The following TCF20 variants were observed in gnomAD, a reference collection of about 807,000 sequenced individuals.
TCF20 encodes the protein SPRE-binding protein.
TCF20 carries 3 observed loss-of-function variants against 148.6 expected under a neutral mutation model. The observed-to-expected ratio is 0.02, with a 90% CI of 0.01 to 0.05. TCF20 has a LOEUF of 0.05. Among genes scored for constraint, TCF20 ranks in the 10% least tolerant of loss-of-function variants. TCF20 has a pLI of 1.00. For synonymous variants in TCF20, 1,049 were observed against 909.5 expected, an observed-to-expected ratio of 1.15 and a Z score of -2.76; for missense variants, 2,350 against 2,429.3, an observed-to-expected ratio of 0.97 and a Z score of 0.69.
chr22:42,163,091 C>G (rs576490893), intron 5 of TCF20, among the ~76,000 whole-genome samples: 3 of 152,346 alleles, frequency 2.0e-5, no homozygotes, highest in Non-Finnish European at 2.9e-5. Context: ...AGGCTCTGCT[C>G]AAGGAGGGGA....
rs1927574729 is a variant in TCF20, at chr22:42,313,596, T to TC, written c.-37+29882dup. On this transcript the variant is annotated intron_variant, in intron 1 of 1. Transcript: ENST00000515426. The stretch of plus-strand genomic sequence containing the variant: ...TCACTGCAGCCTCAACAGAATTCTT[T>TC]CTTTTTTTTTTTTTTTTTTTTGAGA... Among the ~76,000 whole-genome samples, 3 of 117,926 alleles carry TC rather than the reference T, an allele frequency of 2.5e-5. No individual in the cohort carries two copies. In the Admixed American group the frequency reaches 2.6e-4, roughly 10 times the overall value. 77.4% of individuals were successfully genotyped at this position (117,926 alleles called of 152,430 possible).
Position 42,168,601 on chromosome 22 carries a change from C to CGA in TCF20, c.*44+6_*44+7dup. The CGA allele has an allele frequency of 3.9e-6, 6 of 1,555,782 alleles. No individual in the cohort carries two copies. The Admixed American group carries it at 1.1e-4, about 29-fold the overall frequency. On this transcript the variant is annotated splice_region_variant and intron_variant, in intron 5 of 5. Transcript: ENST00000677622. ...CAGGATGCAGGGAGCCCGGTGGCCC[C>CGA]GACTCACCTGTGCTTGCTGTCCTTT...
intron 2 of TCF20, among the ~76,000 whole-genome samples, chr22:42,187,583 C>T (rs1937107231): frequency 6.6e-6 from 1 of 152,230 alleles, no homozygotes; most frequent in African/African-American, 2.4e-5. Context: ...CTAACAGCTA[C>T]ATCCTTGGAT....
At chr22:42,247,918 T>C (rs938507568) in intron 1 of TCF20, among the ~76,000 whole-genome samples, 6 of 152,168 alleles carry the variant, frequency 3.9e-5, no homozygotes, top group African/African-American at 1.4e-4. Context: ...AAATTAATAG[T>C]CTGTTCTACA....
At chr22:42,324,033 G>GCA in intron 1 of TCF20, among the ~76,000 whole-genome samples, 2 of 146,542 alleles carry the variant, frequency 1.4e-5, no homozygotes, top group Non-Finnish European at 3.0e-5. Flanking sequence ...TGGTGGTGAT[G>GCA]GAGGTTATGG....
chr22:42,321,799 T>C (rs1167287123), intron 1 of TCF20, among the ~76,000 whole-genome samples: 1 of 151,384 alleles, frequency 6.6e-6, no homozygotes, highest in East Asian at 1.9e-4. Context: ...ATACAAAAAT[T>C]AGCTGGTCAT....
intron 1 of TCF20, among the ~76,000 whole-genome samples, chr22:42,301,940 C>T (rs781255986): frequency 3.3e-5 from 5 of 152,190 alleles, no homozygotes; most frequent in Admixed American, 6.5e-5. Context: ...GCCCAGGGCT[C>T]GCAAGTACAG....
intron 1 of TCF20, among the ~76,000 whole-genome samples, chr22:42,326,051 TC>T (rs2147054804): frequency 6.6e-6 from 1 of 152,206 alleles, no homozygotes; most frequent in East Asian, 1.9e-4. Flanking sequence ...TACAGGCTTC[TC>T]TGGCTGCCAG....
Position 42,161,313 on chromosome 22 carries a change from C to T in TCF20, c.*90G>A, listed in dbSNP as rs1295614531. The T allele has an allele frequency of 6.2e-7, 1 of 1,613,750 alleles. No homozygotes were observed. Among genetic ancestry groups the T allele is most frequent in the South Asian group, 1.1e-5 (1 of 91,072 alleles). ...TGTGGCTGCACGGTAGGACGATTTC[C>T]ATTCCATCACGAGTGTCCACCACCT... On this transcript the variant is annotated 3_prime_UTR_variant, in exon 6 of 6. Coordinates refer to ENST00000677622, the MANE Select transcript of TCF20 (RefSeq NM_001378418.1).
intron 1 of TCF20, among the ~76,000 whole-genome samples, chr22:42,255,872 T>C (rs1925713923): frequency 6.6e-6 from 1 of 152,134 alleles, no homozygotes; most frequent in African/African-American, 2.4e-5. Context: ...AGCCCCAGGT[T>C]CAAAGCTATT....
At chr22:42,173,239 T>TC (rs1936237536) in intron 3 of TCF20, among the ~76,000 whole-genome samples, 1 of 126,996 alleles carries the variant, frequency 7.9e-6, no homozygotes, top group Admixed American at 7.1e-5. Context: ...TTAAATACAT[T>TC]AATTAAAAAA....
intron 1 of TCF20, among the ~76,000 whole-genome samples, chr22:42,269,120 G>C (rs1191386584): frequency 6.6e-6 from 1 of 152,178 alleles, no homozygotes; most frequent in Admixed American, 6.5e-5. Context: ...TCGGAATTCA[G>C]TGTAGCTTCC....
intron 1 of TCF20, among the ~76,000 whole-genome samples, chr22:42,302,407 G>A (rs963614426): frequency 1.1e-4 from 16 of 152,172 alleles, no homozygotes; most frequent in Non-Finnish European, 2.2e-4. Flanking sequence ...CAGCCTTGGT[G>A]GGGGAGGTGA....
chr22:42,238,317 A>C (rs1324236925), intron 1 of TCF20, among the ~76,000 whole-genome samples: 1 of 152,206 alleles, frequency 6.6e-6, no homozygotes, highest in Non-Finnish European at 1.5e-5. Context: ...GAAAAGAGAA[A>C]GTCTTGCTCT....
At chr22:42,186,768 C>T (rs1937066952) in intron 2 of TCF20, among the ~76,000 whole-genome samples, 1 of 152,240 alleles carries the variant, frequency 6.6e-6, no homozygotes, top group Admixed American at 6.5e-5. Context: ...ATTCTCCTAT[C>T]TGGGACCAAT....
intron 2 of TCF20, among the ~76,000 whole-genome samples, chr22:42,188,742 G>A (rs905192655): frequency 1.5e-4 from 23 of 152,190 alleles, no homozygotes; most frequent in Non-Finnish European, 2.1e-4. Context: ...GACTTCAGAA[G>A]TATAATAATC....
rs3045573 is a variant in TCF20, at chr22:42,161,972, CTTTTTT to C, written c.*45-620_*45-615del. ...GCCACCATGCTTGGCTAATGACAGTCTTTTTTTTTTTTTTTTTTTTTTTTTTTTGAG... is the reference window on the plus strand; with the variant it reads ...GCCACCATGCTTGGCTAATGACAGTCTTTTTTTTTTTTTTTTTTTTTTGAG... On this transcript the variant is annotated intron_variant, in intron 5 of 5. Coordinates refer to ENST00000677622, the MANE Select transcript of TCF20 (RefSeq NM_001378418.1). Among the ~76,000 whole-genome samples the C allele has an allele frequency of 9.9e-3, 744 of 74,944 alleles. 14 individuals are homozygous for C. The highest frequency in any genetic ancestry group is 0.045 in the African/African-American group (696 of 15,582). 49.2% of individuals were successfully genotyped at this position (74,944 alleles called of 152,430 possible).
intron 2 of TCF20, among the ~76,000 whole-genome samples, chr22:42,209,262 A>G (rs1423741743): frequency 6.6e-6 from 1 of 152,202 alleles, no homozygotes; most frequent in Admixed American, 6.5e-5. Flanking sequence ...AAGAATGAGG[A>G]AGAAATGGGA....
intron 1 of TCF20, among the ~76,000 whole-genome samples, chr22:42,253,063 G>A (rs918525166): frequency 6.6e-6 from 1 of 152,032 alleles, no homozygotes; most frequent in Admixed American, 6.6e-5. Flanking sequence ...GTGACAGGGG[G>A]CCATAGGAAA....
Sources: allele counts gnomAD v4.1 joint callset (sites outside exome capture counted in the v4.1 genomes callset), GRCh38; gene constraint gnomAD v4.1.1; transcripts MANE v1.5; gene names NCBI Gene and HGNC (gene_info 2026-07-23, HGNC 2026-07-21).